Variants in EMG1 observed in about 807,000 individuals in gnomAD.
The protein encoded by EMG1 is EMG1 N1-specific pseudouridine methyltransferase, also known as ribosomal RNA small subunit methyltransferase NEP1.
A neutral mutation model predicts 26.9 loss-of-function variants in EMG1; 24 were observed. The observed-to-expected ratio is 0.89, with a 90% CI of 0.65 to 1.26. The LOEUF (loss-of-function observed/expected upper bound fraction) is 1.26. Ranked by LOEUF, EMG1 falls within the 50% of genes most tolerant of loss-of-function variation. The probability of loss-of-function intolerance (pLI) is 0.00; values close to 1 mark genes in which losing one functional copy is unlikely to be tolerated. For synonymous variants in EMG1, 140 were observed against 112.6 expected (o/e 1.24, Z -1.54); for missense variants, 299 against 307.6 (o/e 0.97, Z 0.21).
Position 6,975,069 on chromosome 12 carries a change from ACT to A in EMG1, c.413-18_413-17del. 1 of 1,612,900 alleles carries A rather than the reference ACT, an allele frequency of 6.2e-7. No homozygotes were observed. Among genetic ancestry groups the A allele is most frequent in the Admixed American group, 1.7e-5 (1 of 59,968 alleles). On this transcript the variant is annotated intron_variant, in intron 3 of 5. Transcript: ENST00000599672. ...GACTGTGGTCTCCATCTAGCTCTGA[ACT>A]CTTTTTTCCCCCTTCTAGTTCAACT... is the stretch of plus-strand genomic sequence containing the variant.
At chr12:6,989,382 T>A (rs1383777139), downstream of EMG1, among the ~76,000 whole-genome samples, 1 of 148,462 alleles carries the variant, frequency 6.7e-6, no homozygotes, top group Non-Finnish European at 1.5e-5. Context: ...CAATCTCGGC[T>A]CACTGCAAGC....
At chr12:6,973,390 A>G (rs1320173013) in intron 1 of EMG1, among the ~76,000 whole-genome samples, 21 of 149,058 alleles carry the variant, frequency 1.4e-4, no homozygotes, top group Non-Finnish European at 1.6e-4. Flanking sequence ...CTGGTCTTGA[A>G]CTCCTGACCT....
At chr12:6,975,456 AC>A in intron 5 of EMG1, 78 bp downstream of exon 5, 2 of 1,392,626 alleles carry the variant, frequency 1.4e-6, no homozygotes, top group Non-Finnish European at 1.9e-6. Context: ...AGGCATTTTA[AC>A]AATGCTTACA....
At chr12:6,989,221 G>A (rs1946562815), downstream of EMG1, among the ~76,000 whole-genome samples, 1 of 152,008 alleles carries the variant, frequency 6.6e-6, no homozygotes, top group Non-Finnish European at 1.5e-5. Flanking sequence ...AGCAGGCGAA[G>A]GATGATGACC....
At chr12:6,981,092 A>G, downstream of EMG1, 1 of 1,613,896 alleles carries the variant, frequency 6.2e-7, no homozygotes, top group East Asian at 2.2e-5. Context: ...CCTACCAAGA[A>G]GGCCCCATAG....
chr12:6,979,376 A>G lies in EMG1; in HGVS notation c.*3567A>G, dbSNP rs1233299070. 9 of 900,554 alleles carry G rather than the reference A, an allele frequency of 1.0e-5. No homozygotes were observed. The highest frequency in any genetic ancestry group is 3.1e-4 in the Middle Eastern group (1 of 3,196). The allele number at this position is 900,554 out of a possible 1,614,324, so 55.8% of individuals were successfully genotyped here. A position where few individuals can be genotyped will look rare whatever the true frequency, so the allele number is the denominator to read the frequency against. On this transcript the variant is annotated 3_prime_UTR_variant, in exon 6 of 6. Coordinates refer to ENST00000599672, the MANE Select transcript of EMG1 (RefSeq NM_006331.8). ...CAAAACCAACATGCACTTGTAGATG[A>G]TATTTCCTACTTCTCTGCTATCTGT...
downstream of EMG1, among the ~76,000 whole-genome samples, chr12:6,984,898 C>G (rs782186902): frequency 1.3e-5 from 2 of 152,112 alleles, no homozygotes; most frequent in Non-Finnish European, 2.9e-5. Context: ...TGCTGCGATT[C>G]TTGCTTTTAA....
In EMG1 at chr12:6,978,457, C is replaced by G; in HGVS notation, c.*2648C>G. 9 of 1,614,140 alleles carry G rather than the reference C, an allele frequency of 5.6e-6. No individual in the cohort carries two copies. Among genetic ancestry groups the G allele is most frequent in the Non-Finnish European group, 7.6e-6 (9 of 1,180,006 alleles). On this transcript the variant is annotated 3_prime_UTR_variant, in exon 6 of 6. Transcript: ENST00000599672. ...CACAGGCATCCCACTTTGCCTTGCC[C>G]TTTTCTTCAAAGCCATTGAAGCCCA...
chr12:6,977,054 T>G lies in EMG1; in HGVS notation c.*1245T>G, dbSNP rs73264615. ...TAATCCTTGGAATTCACCCCAGATT[T>G]CTAATACTATTGTTTTTTTCCAGTC... On this transcript the variant is annotated 3_prime_UTR_variant, in exon 6 of 6. Transcript: ENST00000599672. This position sits in a 1 kb window ranked among gnomAD's most constrained non-coding sequence, Gnocchi z 4.5. The G allele has an allele frequency of 5.3e-3, 4,771 of 895,414 alleles. 161 individuals are homozygous for G. In the African/African-American group the frequency reaches 0.069, roughly 13 times the overall value. 55.5% of individuals were successfully genotyped at this position (895,414 alleles called of 1,614,324 possible).
At position 6,975,000 on chromosome 12, in the gene EMG1, CATCTT is replaced by C. The variant is rs111855044; in HGVS notation, c.413-86_413-82del. The C allele has an allele frequency of 1.8e-3, 2,271 of 1,293,312 alleles. 26 individuals are homozygous for C. The African/African-American group carries it at 0.026, about 15-fold the overall frequency. The allele number at this position is 1,293,312 out of a possible 1,614,324, so 80.1% of individuals were successfully genotyped here. A position where few individuals can be genotyped will look rare whatever the true frequency, so the allele number is the denominator to read the frequency against. ...CTAGATATAAAGCACACAGGGAACT[CATCTT>C]ATCCATGGGGTTTTCCTTGTTCGAT... On this transcript the variant is annotated intron_variant, in intron 3 of 5. Coordinates refer to ENST00000599672, the MANE Select transcript of EMG1 (RefSeq NM_006331.8).
intron 7 of EMG1, among the ~76,000 whole-genome samples, chr12:6,995,177 A>G (rs1946626244): frequency 6.6e-6 from 1 of 151,692 alleles, no homozygotes; most frequent in Non-Finnish European, 1.5e-5. Flanking sequence ...CACAACATTC[A>G]AAAGTGTGTT....
At position 6,977,251 on chromosome 12, in the gene EMG1, G is replaced by A; in HGVS notation, c.*1442G>A. The A allele has an allele frequency of 6.2e-7, 1 of 1,613,220 alleles. No individual in the cohort carries two copies. Among genetic ancestry groups the A allele is most frequent in the South Asian group, 1.1e-5 (1 of 91,062 alleles). ...AGAAGATGTGGCCAAGGAAATAGAT[G>A]GATTTATACACCTGTGGAGAGAGAG... On this transcript the variant is annotated 3_prime_UTR_variant, in exon 6 of 6. Coordinates refer to ENST00000599672, the MANE Select transcript of EMG1 (RefSeq NM_006331.8). The surrounding 1 kb of genome is among the most constrained non-coding windows in gnomAD (Gnocchi z 4.5).
intron 1 of EMG1, among the ~76,000 whole-genome samples, 179 bp downstream of exon 1, chr12:6,971,270 CTTTCT>C (rs1591705445): frequency 7.1e-6 from 1 of 141,818 alleles, no homozygotes; most frequent in East Asian, 2.2e-4. Context: ...ACTCATTTTT[CTTTCT>C]TTTTTTTTTT....
downstream of EMG1, among the ~76,000 whole-genome samples, chr12:6,990,916 C>CAAA (rs59031613): frequency 0.025 from 1,722 of 68,096 alleles, 55 homozygotes; most frequent in African/African-American, 0.059. Flanking sequence ...GACTCCAAAT[C>CAAA]AAAAAAAAAA....
rs906784380 is a variant in EMG1, at chr12:6,970,986, C to T, written c.63C>T (p.Asp21=). The change falls in exon 1 of 6, where the codon GAC becomes GAT. Residue 21 remains aspartate (D), a synonymous_variant. Coordinates refer to ENST00000599672, the MANE Select transcript of EMG1 (RefSeq NM_006331.8). ...RERSGGEQAQ[D]WDALPPKRPR... is the part of the protein sequence containing the mutation. ...GAAGCGGTGGGGAGCAGGCACAGGA[C>T]TGGGATGCTCTGCCACCCAAGCGGC... 2 of 1,612,434 alleles carry T rather than the reference C, an allele frequency of 1.2e-6. No homozygotes were observed. Among genetic ancestry groups the T allele is most frequent in the Non-Finnish European group, 1.7e-6 (2 of 1,179,152 alleles).
At chr12:6,996,711 T>C (rs1946638387) in intron 7 of EMG1, among the ~76,000 whole-genome samples, 1 of 152,114 alleles carries the variant, frequency 6.6e-6, no homozygotes, top group Non-Finnish European at 1.5e-5. Context: ...GTGCTTTCTA[T>C]TCTTAAGGAG....
downstream of EMG1, chr12:6,981,694 A>T: frequency 1.1e-6 from 1 of 898,898 alleles, no homozygotes; most frequent in Non-Finnish European, 1.7e-6. Flanking sequence ...TGTGGCCTGT[A>T]GACTGAGTGC....
rs1946389772 is a variant in EMG1, at chr12:6,975,743, CCT to C, written c.670_671del (p.Leu224PhefsTer14). 8.1e-6 allele frequency: 13 copies of C among 1,613,596 alleles called. No individual in the cohort carries two copies. Among genetic ancestry groups the C allele is most frequent in the Non-Finnish European group, 1.1e-5 (13 of 1,179,622 alleles). ...EKMVSISNYP[L>X]SAALTCAKLT... ...AGATGGTGTCCATCAGTAACTACCC[CCT>C]TTCTGCTGCCCTCACCTGTGCAAAA... On this transcript the variant is annotated frameshift_variant, in exon 6 of 6. Coordinates refer to ENST00000599672, the MANE Select transcript of EMG1 (RefSeq NM_006331.8). LOFTEE classifies it high-confidence loss of function.
chr12:6,986,898 G>C (rs1319936286), intron 6 of EMG1, among the ~76,000 whole-genome samples: 2 of 151,822 alleles, frequency 1.3e-5, no homozygotes, highest in Non-Finnish European at 2.9e-5. Flanking sequence ...TGGGTCGCCT[G>C]AGATCAGGAG....
Sources: gnomAD v4.1 joint callset for allele counts (sites outside exome capture counted in the v4.1 genomes callset) on GRCh38, gnomAD v4.1.1 for gene constraint, Gnocchi (gnomAD v3.1) non-coding constraint, MANE v1.5 for transcripts, NCBI Gene and HGNC (gene_info 2026-07-23, HGNC 2026-07-21) for gene names.